Variants in CNBD2 observed in about 807,000 individuals in gnomAD.
The protein encoded by CNBD2 is cyclic nucleotide-binding domain-containing protein 2.
In CNBD2, 64 loss-of-function variants were observed where a neutral mutation model predicts 63.7. That is an observed-to-expected ratio of 1.00 (90% CI 0.82 to 1.24). The LOEUF is 1.24. CNBD2 is among the 50% of genes most tolerant of loss of function. The pLI is 0.00. For missense variants in CNBD2, 691 were observed against 713.5 expected, an observed-to-expected ratio of 0.97 and a Z score of 0.36; for synonymous variants, 229 against 255.4, an observed-to-expected ratio of 0.90 and a Z score of 0.99.
At chr20:35,986,728 C>CCCT (rs1453758038) in intron 6 of CNBD2, among the ~76,000 whole-genome samples, 1 of 152,172 alleles carries the variant, frequency 6.6e-6, no homozygotes, top group East Asian at 1.9e-4. Context: ...AAGTTCTGAG[C>CCCT]CCTTAACCTG....
Position 36,023,507 on chromosome 20 carries a change from C to G in CNBD2, c.1270-95C>G, listed in dbSNP as rs935987504. The G allele has an allele frequency of 2.0e-5, 24 of 1,181,386 alleles. 1 individual carries two copies. The South Asian group carries it at 3.3e-4, about 16-fold the overall frequency. The allele number at this position is 1,181,386 out of a possible 1,614,324, so 73.2% of individuals were successfully genotyped here. A position where few individuals can be genotyped will look rare whatever the true frequency, so the allele number is the denominator to read the frequency against. On this transcript the variant is annotated intron_variant, in intron 10 of 11. Transcript: ENST00000373973. Reference sequence around the variant, plus strand: ...CAGCCTGGGCAACAACAGCGAAACTCCGTCTCAAAAAAAAATAAAAGAAAA... The same window carrying G: ...CAGCCTGGGCAACAACAGCGAAACTGCGTCTCAAAAAAAAATAAAAGAAAA...
At chr20:36,001,352 T>C (rs1233547929) in intron 8 of CNBD2, among the ~76,000 whole-genome samples, 1 of 141,432 alleles carries the variant, frequency 7.1e-6, no homozygotes, top group East Asian at 2.3e-4. Flanking sequence ...GCGGGGCGGC[T>C]GGCAGGGTGG....
rs2147273824 is a variant in CNBD2, at chr20:35,995,126, G to A, written c.944G>A (p.Gly315Asp). 1 of 1,613,928 alleles carries A rather than the reference G, an allele frequency of 6.2e-7. No individual in the cohort carries two copies. Among genetic ancestry groups the A allele is most frequent in the Non-Finnish European group, 8.5e-7 (1 of 1,179,858 alleles). ...WIWQHLELID[G>D]RPLKTHLSEY... ...TGGCAGCACCTGGAGCTGATAGATG[G>A]CAGACCTCTGAAGACCCACCTGAGT... The change falls in exon 8 of 12, where the codon GGC becomes GAC. Residue 315 changes from glycine to aspartate, a missense_variant. Coordinates refer to ENST00000373973, the MANE Select transcript of CNBD2 (RefSeq NM_001365709.1).
intron 4 of CNBD2, among the ~76,000 whole-genome samples, chr20:35,980,969 C>T (rs1009153899): frequency 3.9e-5 from 6 of 152,178 alleles, no homozygotes; most frequent in African/African-American, 1.4e-4. Context: ...AGCGCTGAAG[C>T]TCTTTTCAGT....
chr20:35,957,164 T>C (rs139256180), downstream of CNBD2, among the ~76,000 whole-genome samples: 49 of 152,280 alleles, frequency 3.2e-4, no homozygotes, highest in African/African-American at 1.0e-3. Flanking sequence ...ATTAGAATCA[T>C]TGAATGTCAG....
chr20:36,009,883 A>G (rs1399251698), intron 9 of CNBD2, among the ~76,000 whole-genome samples: 1 of 152,206 alleles, frequency 6.6e-6, no homozygotes, highest in Non-Finnish European at 1.5e-5. Flanking sequence ...TATCTAATTT[A>G]ATCTCTGTAA....
At chr20:36,020,066 G>C (rs1256436573) in intron 10 of CNBD2, among the ~76,000 whole-genome samples, 2 of 152,084 alleles carry the variant, frequency 1.3e-5, no homozygotes, top group Non-Finnish European at 2.9e-5. Context: ...TGTGATGTTA[G>C]ACAATTTTTC....
rs1226486585 is a variant in CNBD2 at position 36,014,335 on chromosome 20, C to CT, written c.1269+3092dup. Among the ~76,000 whole-genome samples the CT allele has an allele frequency of 2.9e-3, 410 of 142,776 alleles. 1 individual carries two copies. The highest frequency in any genetic ancestry group is 5.1e-3 in the East Asian group (25 of 4,910). The allele number at this position is 142,776 out of a possible 152,430, so 93.7% of individuals were successfully genotyped here. ...GTTGGTTTCTTTTCTTTCTTTCTTT[C>CT]TTTTTTTTTTTTTTGACAGAGTCTT... On this transcript the variant is annotated intron_variant, in intron 10 of 11. Transcript: ENST00000373973.
chr20:36,017,259 C>T lies in CNBD2; in HGVS notation c.1269+6002C>T, dbSNP rs141356865. ...TGGGCCTTCGGCCTCCCTGTGCCTG[C>T]AGAGGGCTGTCTCCTGAAGCCTCAT... On this transcript the variant is annotated intron_variant, in intron 10 of 11. Coordinates refer to ENST00000373973, the MANE Select transcript of CNBD2 (RefSeq NM_001365709.1). 2.2e-4 allele frequency among the ~76,000 whole-genome samples: 34 copies of T among 152,236 alleles called. 1 individual carries two copies. The highest frequency in any genetic ancestry group is 7.9e-4 in the African/African-American group (33 of 41,540).
intron 2 of CNBD2, among the ~76,000 whole-genome samples, chr20:35,961,994 C>G (rs561513563): frequency 1.3e-5 from 2 of 152,262 alleles, no homozygotes; most frequent in Admixed American, 6.5e-5. Context: ...GTGAGTTGTG[C>G]CCTCAAGGTG....
At chr20:35,986,393 C>T (rs892016756) in intron 6 of CNBD2, among the ~76,000 whole-genome samples, 4 of 151,984 alleles carry the variant, frequency 2.6e-5, no homozygotes, top group African/African-American at 4.8e-5. Context: ...AGGTTACCAG[C>T]GATGTGACCC....
At chr20:35,957,801 CT>C (rs2056271442), downstream of CNBD2, 1 of 152,176 alleles carries the variant, frequency 6.6e-6, no homozygotes, top group South Asian at 2.1e-4. Context: ...GGACAGAAAT[CT>C]TTTGACTTTT....
intron 7 of CNBD2, among the ~76,000 whole-genome samples, chr20:35,989,687 A>G (rs1420907455): frequency 6.6e-6 from 1 of 152,206 alleles, no homozygotes; most frequent in Non-Finnish European, 1.5e-5. Flanking sequence ...ATTAGATGCT[A>G]TAAACCTACA....
At position 35,977,016 on chromosome 20, in the gene CNBD2, T is replaced by A. The variant is rs141697497; in HGVS notation, c.243+1014T>A. Among the ~76,000 whole-genome samples, 121 of 152,280 alleles carry A rather than the reference T, an allele frequency of 7.9e-4. 4 individuals carry two copies. In the East Asian group the frequency reaches 0.021, roughly 27 times the overall value. ...CCCCTCGTGTATGAAGCATACTCAG[T>A]TAAGTCATTCAAGCTCTGTGACTCT... On this transcript the variant is annotated intron_variant, in intron 3 of 11. Transcript: ENST00000373973.
At chr20:36,008,848 A>G (rs2057018883) in intron 9 of CNBD2, among the ~76,000 whole-genome samples, 1 of 152,136 alleles carries the variant, frequency 6.6e-6, no homozygotes, top group African/African-American at 2.4e-5. Context: ...AGGCAGTTAC[A>G]GCATAGTAGA....
Position 35,980,572 on chromosome 20 carries a change from C to A in CNBD2, c.357C>A (p.Asn119Lys). Residue 119 changes from asparagine (N) to lysine (K), a missense_variant, in exon 4 of 12, where the codon AAC becomes AAA. Asn to Lys is a moderately conservative substitution (Grantham distance 94). Transcript: ENST00000373973. ...NILQVLDSYR[N>K]YAEPLQLLLA... ...TGCAGGTTCTGGATAGCTATCGGAA[C>A]TACGCAGAGCCCCTGCAGCTGCTCC... The A allele has an allele frequency of 1.2e-6, 2 of 1,614,050 alleles. No homozygotes were observed. The highest frequency in any genetic ancestry group is 2.2e-5 in the East Asian group (1 of 44,892).
chr20:35,954,846 G>GC, exon 1 of CNBD2: 1 of 309,646 alleles, frequency 3.2e-6, no homozygotes, highest in East Asian at 1.2e-4. Flanking sequence ...GTGACGGCTG[G>GC]CCGGGGCTCG....
intron 6 of CNBD2, among the ~76,000 whole-genome samples, chr20:35,986,507 C>G (rs903625034): frequency 5.9e-5 from 9 of 152,106 alleles, no homozygotes; most frequent in African/African-American, 2.2e-4. Context: ...ATGGAATGAT[C>G]ATGGGAAGTG....
intron 8 of CNBD2, among the ~76,000 whole-genome samples, chr20:36,006,309 T>C (rs1307514200): frequency 1.3e-5 from 2 of 152,170 alleles, no homozygotes; most frequent in South Asian, 2.1e-4. Flanking sequence ...ATTATAGGCA[T>C]GAGCCACCAC....
Sources: allele counts gnomAD v4.1 joint callset (sites outside exome capture counted in the v4.1 genomes callset), GRCh38; gene constraint gnomAD v4.1.1; transcripts MANE v1.5; gene names NCBI Gene and HGNC (gene_info 2026-07-23, HGNC 2026-07-21).